EDC3: variants seen among roughly 807,000 people sequenced by gnomAD.
EDC3 encodes enhancer of mRNA-decapping protein 3.
In EDC3, 20 loss-of-function variants were observed where a neutral mutation model predicts 41.8. The observed-to-expected ratio is 0.48, with a 90% CI of 0.34 to 0.70. EDC3 has a LOEUF of 0.70. Ranked by LOEUF, EDC3 falls within the 30% of genes least tolerant of loss-of-function variation. The pLI is 0.01. For missense variants in EDC3, 444 were observed against 636.8 expected, an observed-to-expected ratio of 0.70 and a Z score of 3.26; for synonymous variants, 206 against 243.2, an observed-to-expected ratio of 0.85 and a Z score of 1.42.
At chr15:74,669,724 A>C (rs1406548558) in intron 3 of EDC3, among the ~76,000 whole-genome samples, 3 of 152,054 alleles carry the variant, frequency 2.0e-5, no homozygotes, top group African/African-American at 7.3e-5. Flanking sequence ...TATGTAATAA[A>C]CTTTCTGAGT....
At chr15:74,693,174 C>T (rs187698171) in intron 1 of EDC3, among the ~76,000 whole-genome samples, 133 of 152,304 alleles carry the variant, frequency 8.7e-4, no homozygotes, top group African/African-American at 3.1e-3. Context: ...CTTTCTCATT[C>T]TAGATTTTGC....
At chr15:74,643,854 C>T (rs1014616306) in intron 4 of EDC3, 3 of 152,140 alleles carry the variant, frequency 2.0e-5, no homozygotes, top group African/African-American at 4.8e-5. Flanking sequence ...GCATGTGTCC[C>T]AAGTCTTATC....
intron 1 of EDC3, among the ~76,000 whole-genome samples, chr15:74,684,768 G>A (rs2062916822): frequency 6.6e-6 from 1 of 152,090 alleles, no homozygotes; most frequent in Non-Finnish European, 1.5e-5. Flanking sequence ...CAAGGTCACA[G>A]GATATATGCT....
At chr15:74,646,924 A>C (rs2062425825) in intron 4 of EDC3, among the ~76,000 whole-genome samples, 1 of 152,130 alleles carries the variant, frequency 6.6e-6, no homozygotes, top group South Asian at 2.1e-4. Flanking sequence ...GAGGATAAAG[A>C]AAAATCTGTT....
At position 74,656,060 on chromosome 15, in the gene EDC3, T is replaced by C; in HGVS notation, c.493A>G (p.Ser165Gly). The change falls in exon 4 of 7, where the codon AGT becomes GGT. Residue 165 changes from serine (S) to glycine (G), a missense_variant. By Grantham distance (56) the Ser-to-Gly change is moderately conservative. Coordinates refer to ENST00000315127, the MANE Select transcript of EDC3 (RefSeq NM_025083.5). ...GTTGCCTGATTTGGGTGCCTGCTACTAGATGACCCTGGAGAAAAAATAGGG... is the reference window on the plus strand; with the variant it reads ...GTTGCCTGATTTGGGTGCCTGCTACCAGATGACCCTGGAGAAAAAATAGGG... ...FRRRHNSWSS[S>G]SRHPNQATPK... 6.2e-7 allele frequency: 1 copy of C among 1,610,100 alleles called. No individual in the cohort carries two copies. The highest frequency in any genetic ancestry group is 8.5e-7 in the Non-Finnish European group (1 of 1,177,566).
chr15:74,640,644 A>C (rs1165268641), intron 4 of EDC3, 25 bp from the exon 5 acceptor site: 2 of 1,613,972 alleles, frequency 1.2e-6, no homozygotes, highest in East Asian at 4.5e-5. Context: ...GAGAAGAGAA[A>C]GGGAAAGTGA....
chr15:74,671,676 C>G lies in EDC3; in HGVS notation c.263G>C (p.Gly88Ala). ...ATTGATGCCCACTTGGCAGCCAGCA[C>G]CAGAGGGGCCTAATTCTGTTTGATG... ...DLHQTELGPSGAGCQVGINQN... is the reference protein window; with the variant it reads ...DLHQTELGPSAAGCQVGINQN... The change falls in exon 3 of 7, where the codon GGT becomes GCT. Residue 88 changes from glycine to alanine, a missense_variant. Physicochemically the swap from Gly to Ala is moderately conservative, Grantham distance 60. Around this residue, in one of 3 missense-constraint regions of EDC3, gnomAD observed 200 missense variants for 244.0 expected, o/e 0.82. Transcript: ENST00000315127. The surrounding 1 kb of genome is among the most constrained non-coding windows in gnomAD (Gnocchi z 4.6). 6.2e-7 allele frequency: 1 copy of G among 1,614,154 alleles called. No individual in the cohort carries two copies. Among genetic ancestry groups the G allele is most frequent in the Non-Finnish European group, 8.5e-7 (1 of 1,180,028 alleles).
At chr15:74,649,546 C>T (rs560673764) in intron 4 of EDC3, among the ~76,000 whole-genome samples, 8 of 152,172 alleles carry the variant, frequency 5.3e-5, no homozygotes, top group Non-Finnish European at 8.8e-5. Context: ...TCTATAAATG[C>T]TGATGCTTTG....
rs775023874 is a variant in EDC3, at chr15:74,632,753, G to A, written c.1386C>T (p.Gly462=). 2 of 1,614,254 alleles carry A rather than the reference G, an allele frequency of 1.2e-6. No homozygotes were observed. The highest frequency in any genetic ancestry group is 2.2e-5 in the South Asian group (2 of 91,088). The change falls in exon 7 of 7, where the codon GGC becomes GGT. Residue 462 remains glycine, a synonymous_variant. Coordinates refer to ENST00000315127, the MANE Select transcript of EDC3 (RefSeq NM_025083.5). The surrounding 1 kb of genome is among the most constrained non-coding windows in gnomAD (Gnocchi z 4.0). ...GIDAKWSLAL[G]LPLPLGEHAG... ...CGTGCTCCCCCAGTGGCAGAGGCAG[G>A]CCCAGTGCCAGTGACCATTTGGCAT... is the stretch of plus-strand genomic sequence containing the variant.
chr15:74,640,909 T>C (rs994827240), intron 4 of EDC3: 1 of 399,608 alleles, frequency 2.5e-6, no homozygotes, highest in Non-Finnish European at 4.6e-6. Context: ...AGGATATATT[T>C]AGTGCTATCG....
intron 2 of EDC3, among the ~76,000 whole-genome samples, chr15:74,673,819 G>A (rs2062769201): frequency 2.1e-5 from 3 of 143,028 alleles, no homozygotes; most frequent in African/African-American, 8.0e-5. Context: ...CGGCCTGGGT[G>A]ACAGAGTGAG....
In EDC3 at chr15:74,671,815, T is replaced by C; in HGVS notation, c.165-41A>G. ...AAGCCAAGTCTCAAAATTATAATAGTGGTAAGAATGATGAAACTGAGATCA... is the reference window on the plus strand; with the variant it reads ...AAGCCAAGTCTCAAAATTATAATAGCGGTAAGAATGATGAAACTGAGATCA... On this transcript the variant is annotated intron_variant, in intron 2 of 6. Coordinates refer to ENST00000315127, the MANE Select transcript of EDC3 (RefSeq NM_025083.5). This position sits in a 1 kb window ranked among gnomAD's most constrained non-coding sequence, Gnocchi z 4.6. 1.9e-6 allele frequency: 3 copies of C among 1,577,972 alleles called. No individual in the cohort carries two copies. The highest frequency in any genetic ancestry group is 2.6e-6 in the Non-Finnish European group (3 of 1,151,424).
intron 3 of EDC3, among the ~76,000 whole-genome samples, chr15:74,660,367 G>A (rs538417949): frequency 1.3e-4 from 20 of 151,720 alleles, no homozygotes; most frequent in Non-Finnish European, 2.4e-4. Flanking sequence ...TCAAGATTGC[G>A]CCACTGCACT....
chr15:74,641,108 C>T (rs2062346764), intron 4 of EDC3: 1 of 156,034 alleles, frequency 6.4e-6, no homozygotes. Flanking sequence ...TTCTCCTCAA[C>T]TGTAGGGCAG....
At chr15:74,669,334 ACT>A (rs938829976) in intron 3 of EDC3, among the ~76,000 whole-genome samples, 1 of 134,216 alleles carries the variant, frequency 7.5e-6, no homozygotes, top group Non-Finnish European at 1.6e-5. Context: ...TAAGAGCGAA[ACT>A]CTGTCTCAAA....
At chr15:74,693,463 C>T (rs2063031103) in intron 1 of EDC3, among the ~76,000 whole-genome samples, 2 of 152,168 alleles carry the variant, frequency 1.3e-5, no homozygotes, top group African/African-American at 4.8e-5. Flanking sequence ...ATGACTCTTT[C>T]TTTACTTCAC....
At chr15:74,686,610 T>C (rs1283788402) in intron 1 of EDC3, among the ~76,000 whole-genome samples, 2 of 151,862 alleles carry the variant, frequency 1.3e-5, no homozygotes, top group Non-Finnish European at 2.9e-5. Context: ...TGAAACCCCA[T>C]CTCTACTAAA....
At position 74,656,258 on chromosome 15, in the gene EDC3, C is replaced by T. The variant is rs187380467; in HGVS notation, c.485-190G>A. Among the ~76,000 whole-genome samples, 325 of 152,166 alleles carry T rather than the reference C, an allele frequency of 2.1e-3. 1 individual carries two copies. Among genetic ancestry groups the T allele is most frequent in the African/African-American group, 7.5e-3 (312 of 41,512 alleles). On this transcript the variant is annotated intron_variant, in intron 3 of 6. Coordinates refer to ENST00000315127, the MANE Select transcript of EDC3 (RefSeq NM_025083.5). Reference sequence around the variant, plus strand: ...TGCAATAATAGGTTTCAAACATCACCCAATCTGGGCACAGTGGCTCACGCC... The same window carrying T: ...TGCAATAATAGGTTTCAAACATCACTCAATCTGGGCACAGTGGCTCACGCC...
chr15:74,654,312 T>C (rs186929085), intron 4 of EDC3, among the ~76,000 whole-genome samples: 3 of 149,752 alleles, frequency 2.0e-5, no homozygotes, highest in Non-Finnish European at 3.0e-5. Flanking sequence ...ACACGCTGCA[T>C]AAACCAACAG....
Sources: gnomAD v4.1 joint callset for allele counts (sites outside exome capture counted in the v4.1 genomes callset) on GRCh38, gnomAD v4.1.1 for gene constraint, gnomAD v4.1.1 regional missense constraint, Gnocchi (gnomAD v3.1) non-coding constraint, MANE v1.5 for transcripts, NCBI Gene and HGNC (gene_info 2026-07-23, HGNC 2026-07-21) for gene names.